The following OPHN1 variants were observed in gnomAD, a reference collection of about 807,000 sequenced individuals.
OPHN1 encodes the protein oligophrenin 1.
OPHN1 carries 11 observed loss-of-function variants against 60.7 expected under a neutral mutation model. The observed-to-expected ratio is 0.18, with a 90% CI of 0.11 to 0.30. OPHN1 has a LOEUF of 0.30. Among genes scored for constraint, OPHN1 ranks in the 10% least tolerant of loss-of-function variants. OPHN1 has a pLI of 1.00. For missense variants in OPHN1, 449 were observed against 611.0 expected (o/e 0.73, Z 2.80); for synonymous variants, 226 against 222.6 (o/e 1.02, Z -0.14).
At chrX:68,412,822 T>C (rs1569306908) in intron 2 of OPHN1, among the ~76,000 whole-genome samples, 1 of 111,875 alleles carries the variant, frequency 8.9e-6, no homozygotes. Flanking sequence ...CTCAGCTATA[T>C]ACTTGGGGCC....
chrX:68,394,974 G>T (rs1407118309), intron 2 of OPHN1, among the ~76,000 whole-genome samples: 1 of 105,847 alleles, frequency 9.4e-6, no homozygotes, highest in Non-Finnish European at 1.9e-5. Flanking sequence ...TTTATTTATT[G>T]AGACAGAGTC....
chrX:68,052,680 C>T lies in OPHN1; in HGVS notation c.2325-90G>A, dbSNP rs781477747. On this transcript the variant is annotated intron_variant, in intron 22 of 24. Coordinates refer to ENST00000355520, the MANE Select transcript of OPHN1 (RefSeq NM_002547.3). The stretch of plus-strand genomic sequence containing the variant: ...ACAGAAAGGACAGGAGACTCTGAAC[C>T]AGATGGGACACCAATGCCAGCCCCT... 68 of 807,342 alleles carry T rather than the reference C, an allele frequency of 8.4e-5. 1 individual carries two copies. In the African/African-American group the frequency reaches 1.2e-3, roughly 15 times the overall value. The allele number at this position is 807,342 out of a possible 1,213,427, so 66.5% of individuals were successfully genotyped here.
chrX:68,413,874 T>C (rs2078781250), intron 2 of OPHN1, among the ~76,000 whole-genome samples: 1 of 111,777 alleles, frequency 8.9e-6, no homozygotes, highest in Non-Finnish European at 1.9e-5. Context: ...AATCACCAGC[T>C]CATAAGGGGG....
At chrX:68,351,881 T>C (rs2078413965) in intron 2 of OPHN1, among the ~76,000 whole-genome samples, 2 of 85,259 alleles carry the variant, frequency 2.3e-5, no homozygotes, top group South Asian at 1.3e-3. Context: ...TTCTTTTTTT[T>C]TTTTTTTTTT....
At position 68,389,111 on chromosome X, in the gene OPHN1, A is replaced by G. The variant is rs747713692; in HGVS notation, c.154+43756T>C. Reference sequence around the variant, plus strand: ...CTGGGACTATAAGCACACACCATCAACTCTGGCTAATTTTTTTTTTTTTTT... The same window carrying G: ...CTGGGACTATAAGCACACACCATCAGCTCTGGCTAATTTTTTTTTTTTTTT... On this transcript the variant is annotated intron_variant, in intron 2 of 24. Transcript: ENST00000355520. Among the ~76,000 whole-genome samples, 17 of 82,154 alleles carry G rather than the reference A, an allele frequency of 2.1e-4. 1 individual carries two copies. The Admixed American group carries it at 2.5e-3, about 12-fold the overall frequency. 71.3% of individuals were successfully genotyped at this position (82,154 alleles called of 115,157 possible).
At chrX:68,366,478 A>G in intron 2 of OPHN1, among the ~76,000 whole-genome samples, 1 of 110,153 alleles carries the variant, frequency 9.1e-6, no homozygotes, top group African/African-American at 3.3e-5. Flanking sequence ...ACAGGTGTTC[A>G]CCACTATGCC....
intron 3 of OPHN1, among the ~76,000 whole-genome samples, chrX:68,287,509 AAAC>A (rs752653890): frequency 1.8e-5 from 2 of 109,878 alleles, no homozygotes; most frequent in African/African-American, 3.3e-5. Context: ...TGCGCTAGTA[AAAC>A]AACAACAACA....
chrX:68,206,807 C>A lies in OPHN1; in HGVS notation c.833-134G>T, dbSNP rs181345058. The stretch of plus-strand genomic sequence containing the variant: ...GATCCAGCCCTGCCCTTGCCCTGAC[C>A]GCCCTCCTTCCATAGCCACCTACCT... On this transcript the variant is annotated intron_variant, in intron 9 of 24. Coordinates refer to ENST00000355520, the MANE Select transcript of OPHN1 (RefSeq NM_002547.3). 84 of 513,142 alleles carry A rather than the reference C, an allele frequency of 1.6e-4. No individual in the cohort carries two copies. The East Asian group carries it at 2.1e-3, about 13-fold the overall frequency. The allele number at this position is 513,142 out of a possible 1,213,427, so 42.3% of individuals were successfully genotyped here.
In OPHN1 at chrX:68,195,057, A is replaced by AGGAAGGAAGGAC. The variant is rs2077507039; in HGVS notation, c.1105-560_1105-559insGTCCTTCCTTCC. 2.0e-5 allele frequency among the ~76,000 whole-genome samples: 2 copies of AGGAAGGAAGGAC among 101,809 alleles called. 1 individual carries two copies. Among genetic ancestry groups the AGGAAGGAAGGAC allele is most frequent in the African/African-American group, 8.5e-5 (2 of 23,550 alleles). The allele number at this position is 101,809 out of a possible 115,157, so 88.4% of individuals were successfully genotyped here. A position where few individuals can be genotyped will look rare whatever the true frequency, so the allele number is the denominator to read the frequency against. On this transcript the variant is annotated intron_variant, in intron 12 of 24. Transcript: ENST00000355520. ...AAGGAAGGAAGGAAGGAAGGAAGGAAGGAAGGAAGAAAGAAAGAAAATACT... is the reference window on the plus strand; with the variant it reads ...AAGGAAGGAAGGAAGGAAGGAAGGAAGGAAGGAAGGACGGAAGGAAGAAAGAAAGAAAATACT...
chrX:68,053,004 G>A (rs1390813894), intron 22 of OPHN1, among the ~76,000 whole-genome samples: 1 of 112,146 alleles, frequency 8.9e-6, no homozygotes, highest in Non-Finnish European at 1.9e-5. Context: ...AAGACCAGGA[G>A]GCAGTATACT....
chrX:68,375,626 G>A lies in OPHN1; in HGVS notation c.154+57241C>T, dbSNP rs2078552845. Among the ~76,000 whole-genome samples the A allele has an allele frequency of 3.6e-5, 4 of 110,792 alleles. No individual in the cohort carries two copies. In the Admixed American group the frequency reaches 3.9e-4, roughly 11 times the overall value. On this transcript the variant is annotated intron_variant, in intron 2 of 24. Transcript: ENST00000355520. ...ATGCAGGGTCTTCCTCTGTTGTCCA[G>A]GATGGTCTTGAACTCCTGGGTTCAA...
At chrX:68,067,053 G>A (rs944862748) in intron 20 of OPHN1, among the ~76,000 whole-genome samples, 1 of 111,896 alleles carries the variant, frequency 8.9e-6, no homozygotes, top group Admixed American at 9.5e-5. Flanking sequence ...TAAGAGGTGG[G>A]GAGAAGCTTT....
intron 15 of OPHN1, among the ~76,000 whole-genome samples, chrX:68,182,550 A>T (rs925541787): frequency 1.8e-5 from 2 of 111,406 alleles, no homozygotes; most frequent in Non-Finnish European, 1.9e-5. Flanking sequence ...TAAGAGCACC[A>T]AGCTGAGGCT....
intron 18 of OPHN1, among the ~76,000 whole-genome samples, chrX:68,097,607 T>C (rs1000328651): frequency 1.8e-5 from 2 of 111,880 alleles, no homozygotes; most frequent in Admixed American, 9.5e-5. Flanking sequence ...GAGTAGAACG[T>C]GCAATCCCAG....
intron 6 of OPHN1, among the ~76,000 whole-genome samples, chrX:68,216,321 G>C (rs1341673486): frequency 9.0e-6 from 1 of 110,527 alleles, no homozygotes; most frequent in Non-Finnish European, 1.9e-5. Context: ...AAGACTGAAA[G>C]ACAAAAATAA....
chrX:68,052,417 C>A, intron 23 of OPHN1, 123 bp downstream of exon 23: 1 of 641,159 alleles, frequency 1.6e-6, no homozygotes, highest in Non-Finnish European at 2.5e-6. Context: ...GAGAAAGTGA[C>A]AGACAGAGAC....
rs780236828 is a variant in OPHN1, at chrX:68,342,146, T to A, written c.155-43050A>T. 3.7e-5 allele frequency among the ~76,000 whole-genome samples: 4 copies of A among 109,178 alleles called. No individual in the cohort carries two copies. In the South Asian group the frequency reaches 1.2e-3, roughly 34 times the overall value. 94.8% of individuals were successfully genotyped at this position (109,178 alleles called of 115,157 possible). A position where few individuals can be genotyped will look rare whatever the true frequency, so the allele number is the denominator to read the frequency against. ...CACCATGCCCGGCTGATTTTTCTAT[T>A]TTTTTGTAGAGAAGGGGTTTCAGCA... On this transcript the variant is annotated intron_variant, in intron 2 of 24. Coordinates refer to ENST00000355520, the MANE Select transcript of OPHN1 (RefSeq NM_002547.3).
Position 68,193,895 on chromosome X carries a change from G to T in OPHN1, c.1196C>A (p.Thr399Asn). 1.7e-6 allele frequency: 2 copies of T among 1,199,390 alleles called. No individual in the cohort carries two copies. The highest frequency in any genetic ancestry group is 2.3e-6 in the Non-Finnish European group (2 of 884,582). Residue 399 changes from threonine to asparagine, a missense_variant, in exon 14 of 25, where the codon ACC (threonine) becomes AAC (asparagine). This residue lies in a region of OPHN1 where 166 missense variants were observed against 278.4 expected (regional missense o/e 0.60). Coordinates refer to ENST00000355520, the MANE Select transcript of OPHN1 (RefSeq NM_002547.3). ...GACTATGGTTCAGATCTTACCTTTGGTCTCAATAATATTGATGCACTTCCT... is the reference window on the plus strand; with the variant it reads ...GACTATGGTTCAGATCTTACCTTTGTTCTCAATAATATTGATGCACTTCCT... The part of the protein sequence containing the change: ...FVRKCINIIE[T>N]KGIKTEGLYR...
intron 15 of OPHN1, among the ~76,000 whole-genome samples, chrX:68,129,196 C>T (rs1045497732): frequency 4.5e-5 from 5 of 111,729 alleles, no homozygotes; most frequent in Non-Finnish European, 7.5e-5. Flanking sequence ...CTGGAGCATG[C>T]CATGTATATA....
Sources: gnomAD v4.1 joint callset for allele counts (sites outside exome capture counted in the v4.1 genomes callset) on GRCh38, gnomAD v4.1.1 for gene constraint, gnomAD v4.1.1 regional missense constraint, MANE v1.5 for transcripts, NCBI Gene and HGNC (gene_info 2026-07-23, HGNC 2026-07-21) for gene names.